CTNNA2: variants seen among roughly 807,000 people sequenced by gnomAD.
CTNNA2 encodes the protein catenin alpha 2, also known as catenin alpha-2.
CTNNA2 carries 42 observed loss-of-function variants against 101.0 expected under a neutral mutation model. The ratio of observed to expected loss-of-function variants is 0.42; its 90% CI spans 0.32 to 0.54. CTNNA2 has a LOEUF of 0.54. Ranked by LOEUF, CTNNA2 falls within the 20% of genes least tolerant of loss-of-function variation. The pLI is 0.14. For synonymous variants in CTNNA2, 450 were observed against 456.4 expected, an observed-to-expected ratio of 0.99 and a Z score of 0.18; for missense variants, 871 against 1,223.1, an observed-to-expected ratio of 0.71 and a Z score of 4.29.
At chr2:80,305,259 C>A in intron 7 of CTNNA2, 1 of 985,246 alleles carries the variant, frequency 1.0e-6, no homozygotes, top group Non-Finnish European at 1.2e-6. Flanking sequence ...GAAATGCTTT[C>A]CAAACCCACC....
At chr2:80,534,538 G>T (rs1314660488) in intron 9 of CTNNA2, among the ~76,000 whole-genome samples, 10 of 152,156 alleles carry the variant, frequency 6.6e-5, no homozygotes, top group Admixed American at 4.6e-4. Context: ...GATATGTGTG[G>T]AGGGGTAAAG....
chr2:79,870,869 A>T (rs1049515504), intron 5 of CTNNA2, among the ~76,000 whole-genome samples: 3 of 152,190 alleles, frequency 2.0e-5, no homozygotes, highest in East Asian at 1.9e-4. Context: ...ACACATGGGG[A>T]TTATAGGTCC....
At chr2:79,469,749 C>T (rs931550671) in intron 4 of CTNNA2, among the ~76,000 whole-genome samples, 5 of 152,052 alleles carry the variant, frequency 3.3e-5, no homozygotes, top group South Asian at 2.1e-4. Context: ...AAACATAATC[C>T]GGCATATAAA....
intron 1 of CTNNA2, among the ~76,000 whole-genome samples, chr2:79,570,118 G>A (rs542589598): frequency 1.9e-4 from 29 of 152,022 alleles, no homozygotes; most frequent in Non-Finnish European, 3.4e-4. Context: ...TTGCAATTAC[G>A]GTAGATGGAT....
intron 1 of CTNNA2, among the ~76,000 whole-genome samples, chr2:79,544,443 G>T (rs1459192893): frequency 1.3e-5 from 2 of 152,128 alleles, no homozygotes; most frequent in Non-Finnish European, 2.9e-5. Context: ...TTGGTAAAGG[G>T]AATGGGAAGA....
chr2:80,071,880 G>GAA (rs1328247028), intron 7 of CTNNA2, among the ~76,000 whole-genome samples: 1 of 152,184 alleles, frequency 6.6e-6, no homozygotes, highest in Non-Finnish European at 1.5e-5. Context: ...CGGATTTGGG[G>GAA]AAAACTTGCA....
Position 80,056,553 on chromosome 2 carries a change from G to A in CTNNA2, c.1056+146756G>A, listed in dbSNP as rs76822723. On this transcript the variant is annotated intron_variant, in intron 7 of 18. Transcript: ENST00000402739. The stretch of plus-strand genomic sequence containing the variant: ...GGAAAGATAGGGATCAAGCCTCAGC[G>A]ATCCTTACACTCAACTCCTGGTTAC... 2.5e-4 allele frequency among the ~76,000 whole-genome samples: 38 copies of A among 152,274 alleles called. No individual in the cohort carries two copies. The East Asian group carries it at 7.1e-3, about 29-fold the overall frequency.
At chr2:79,404,327 C>G (rs1045461046) in intron 4 of CTNNA2, among the ~76,000 whole-genome samples, 1 of 151,848 alleles carries the variant, frequency 6.6e-6, no homozygotes, top group South Asian at 2.1e-4. Context: ...TTTCTTGTCC[C>G]CTCCCTCCCC....
chr2:79,202,732 CTTTGTTTG>C (rs34378966), intron 2 of CTNNA2, among the ~76,000 whole-genome samples: 1 of 151,116 alleles, frequency 6.6e-6, no homozygotes, highest in South Asian at 2.1e-4. Context: ...TTCTACGTTT[CTTTGTTTG>C]TTTGTTTGTT....
At chr2:79,569,655 T>C (rs1291803932) in intron 1 of CTNNA2, among the ~76,000 whole-genome samples, 1 of 152,146 alleles carries the variant, frequency 6.6e-6, no homozygotes, top group Non-Finnish European at 1.5e-5. Context: ...ACTACCAAAG[T>C]CACTTAAGTG....
At chr2:79,498,812 C>T (rs1157337553) in intron 4 of CTNNA2, 1 of 152,182 alleles carries the variant, frequency 6.6e-6, no homozygotes, top group African/African-American at 2.4e-5. Context: ...ACAAAAACTT[C>T]ACCTTGGGGA....
At chr2:79,691,888 A>G (rs906276450) in intron 2 of CTNNA2, among the ~76,000 whole-genome samples, 1 of 152,182 alleles carries the variant, frequency 6.6e-6, no homozygotes, top group Non-Finnish European at 1.5e-5. Context: ...TGGATTAAAG[A>G]CTTAAATGTA....
intron 3 of CTNNA2, among the ~76,000 whole-genome samples, chr2:79,805,882 G>T (rs1394763327): frequency 6.6e-6 from 1 of 151,694 alleles, no homozygotes; most frequent in Non-Finnish European, 1.5e-5. Flanking sequence ...AGCTTGCAGT[G>T]AGCCGAGATT....
intron 2 of CTNNA2, among the ~76,000 whole-genome samples, chr2:79,722,551 C>A (rs951169218): frequency 2.6e-5 from 4 of 152,210 alleles, no homozygotes; most frequent in African/African-American, 9.6e-5. Context: ...AACCCAACTC[C>A]TGAAGTCTTT....
At chr2:80,277,217 T>C (rs1673977036) in intron 7 of CTNNA2, among the ~76,000 whole-genome samples, 2 of 152,170 alleles carry the variant, frequency 1.3e-5, no homozygotes, top group Non-Finnish European at 1.5e-5. Context: ...GTATTCTCAC[T>C]GTGGAATCTG....
chr2:79,294,183 GAGAA>G (rs1477412945), intron 2 of CTNNA2, among the ~76,000 whole-genome samples: 6 of 149,902 alleles, frequency 4.0e-5, no homozygotes, highest in Non-Finnish European at 8.8e-5. Flanking sequence ...GAGAGAGAGA[GAGAA>G]AGAGAGAGAG....
intron 9 of CTNNA2, among the ~76,000 whole-genome samples, chr2:80,445,286 A>AT (rs1312408086): frequency 6.6e-6 from 1 of 151,782 alleles, no homozygotes; most frequent in Non-Finnish European, 1.5e-5. Context: ...GGCTCAAGCG[A>AT]TTTTCCCACC....
chr2:79,840,105 G>A (rs1679687712), intron 3 of CTNNA2, among the ~76,000 whole-genome samples: 1 of 152,182 alleles, frequency 6.6e-6, no homozygotes, highest in Non-Finnish European at 1.5e-5. Flanking sequence ...AGACAATACT[G>A]TGTGATAATA....
intron 4 of CTNNA2, among the ~76,000 whole-genome samples, chr2:79,470,422 G>C (rs1208407661): frequency 6.6e-6 from 1 of 152,192 alleles, no homozygotes; most frequent in Non-Finnish European, 1.5e-5. Flanking sequence ...CTGAGTACCA[G>C]AGGAAGGCAA....
Sources: allele counts gnomAD v4.1 joint callset (sites outside exome capture counted in the v4.1 genomes callset), GRCh38; gene constraint gnomAD v4.1.1; transcripts MANE v1.5; gene names NCBI Gene and HGNC (gene_info 2026-07-23, HGNC 2026-07-21).